COL24A1: variants seen among roughly 807,000 people sequenced by gnomAD.
COL24A1 encodes the protein collagen alpha-1(XXIV) chain.
A neutral mutation model predicts 253.9 loss-of-function variants in COL24A1; 224 were observed. The ratio of observed to expected loss-of-function variants is 0.88; its 90% CI spans 0.79 to 0.99. The LOEUF is 0.99. Ranked by LOEUF, COL24A1 falls within the 50% of genes least tolerant of loss-of-function variation. The pLI is 0.00. For missense variants in COL24A1, 2,131 were observed against 2,068.5 expected, an observed-to-expected ratio of 1.03 and a Z score of -0.59; for synonymous variants, 685 against 673.7, an observed-to-expected ratio of 1.02 and a Z score of -0.26.
At chr1:86,012,521 G>T (rs983661822) in intron 19 of COL24A1, among the ~76,000 whole-genome samples, 1 of 152,120 alleles carries the variant, frequency 6.6e-6, no homozygotes, top group African/African-American at 2.4e-5. Context: ...CCCAGGAGGC[G>T]GAGGTTGCAG....
intron 53 of COL24A1, among the ~76,000 whole-genome samples, chr1:85,763,682 A>G (rs1391003789): frequency 6.6e-6 from 1 of 151,634 alleles, no homozygotes; most frequent in African/African-American, 2.4e-5. Context: ...TTTAGTAGAC[A>G]TGGGGTTTCA....
intron 42 of COL24A1, among the ~76,000 whole-genome samples, chr1:85,839,146 T>C (rs1470023184): frequency 2.0e-5 from 3 of 151,934 alleles, no homozygotes; most frequent in African/African-American, 7.3e-5. Context: ...TTGCAGTGAG[T>C]CATGTTTGCA....
chr1:85,848,813 C>T (rs547223103), intron 38 of COL24A1, among the ~76,000 whole-genome samples: 26 of 152,126 alleles, frequency 1.7e-4, no homozygotes, highest in African/African-American at 6.0e-4. Flanking sequence ...TCCAGGGGTG[C>T]AGGTTGTTAT....
At chr1:85,820,074 C>T (rs1339896014) in intron 45 of COL24A1, among the ~76,000 whole-genome samples, 1 of 152,052 alleles carries the variant, frequency 6.6e-6, no homozygotes, top group Non-Finnish European at 1.5e-5. Context: ...TCTTGAACTC[C>T]TGACCTCAGG....
chr1:85,971,047 C>CAAAAAAT (rs1692114071), intron 21 of COL24A1, among the ~76,000 whole-genome samples: 2 of 152,052 alleles, frequency 1.3e-5, no homozygotes, highest in South Asian at 4.1e-4. Context: ...TGTGTCTTTA[C>CAAAAAAT]AAAAAATACA....
intron 43 of COL24A1, among the ~76,000 whole-genome samples, chr1:85,830,829 C>G (rs1457853516): frequency 1.3e-5 from 2 of 152,140 alleles, no homozygotes; most frequent in Non-Finnish European, 2.9e-5. Flanking sequence ...GTCTGGCACT[C>G]CCTAGTGAGA....
intron 35 of COL24A1, 112 bp downstream of exon 35, chr1:85,874,537 T>C: frequency 1.1e-6 from 1 of 886,056 alleles, no homozygotes; most frequent in Non-Finnish European, 1.7e-6. Context: ...ACATTTTCTA[T>C]AATGTATCAG....
intron 59 of COL24A1, 105 bp downstream of exon 59, chr1:85,734,644 A>C: frequency 2.1e-6 from 2 of 966,782 alleles, no homozygotes; most frequent in Non-Finnish European, 3.2e-6. Flanking sequence ...ACCCTTCTGT[A>C]TCTGCAGTTT....
chr1:86,125,190 A>G lies in COL24A1; in HGVS notation c.1146T>C (p.Asp382=). The change falls in exon 3 of 60, where the codon GAT becomes GAC. Residue 382 remains aspartate (D), a synonymous_variant. Coordinates refer to ENST00000370571, the MANE Select transcript of COL24A1 (RefSeq NM_152890.7). ...NMSDNITQHD[D]RVTGLSLFKK... is the part of the protein sequence containing the mutation. ...TAAACAGTGACAGACCAGTTACTCT[A>G]TCATCATGTTGTGTGATATTGTCAG... The G allele has an allele frequency of 6.2e-7, 1 of 1,613,260 alleles. No homozygotes were observed. The highest frequency in any genetic ancestry group is 8.5e-7 in the Non-Finnish European group (1 of 1,179,482).
At chr1:85,838,755 G>C (rs1246515173) in intron 42 of COL24A1, 117 bp from the exon 43 acceptor site, 3 of 857,594 alleles carry the variant, frequency 3.5e-6, no homozygotes, top group Non-Finnish European at 5.6e-6. Flanking sequence ...CCAAATATAT[G>C]ATTTGTTTAG....
At chr1:86,107,517 ATTT>A (rs1705105706) in intron 5 of COL24A1, among the ~76,000 whole-genome samples, 782 of 61,304 alleles carry the variant, frequency 0.013, 14 homozygotes, top group East Asian at 0.12. Context: ...TAATTTATTT[ATTT>A]ATTTATTTAT....
chr1:86,036,489 C>T (rs61800724), intron 12 of COL24A1, among the ~76,000 whole-genome samples: 19,091 of 152,070 alleles, frequency 0.13, 1,343 homozygotes, highest in Middle Eastern at 0.23. Flanking sequence ...CATTATTTGG[C>T]TCCTTATTAG....
At chr1:85,999,459 T>C (rs1000632323) in intron 19 of COL24A1, among the ~76,000 whole-genome samples, 1 of 151,486 alleles carries the variant, frequency 6.6e-6, no homozygotes, top group African/African-American at 2.4e-5. Flanking sequence ...TCTACAAAAA[T>C]AAAAAATAAA....
intron 7 of COL24A1, among the ~76,000 whole-genome samples, chr1:86,087,711 T>C (rs1480192168): frequency 1.3e-5 from 2 of 152,240 alleles, no homozygotes; most frequent in South Asian, 2.1e-4. Flanking sequence ...TGATGATATA[T>C]GTCAGTACAA....
In COL24A1 at chr1:85,858,627, CCT is replaced by C. The variant is rs1558416437; in HGVS notation, c.3301-9223_3301-9222del. 1.7e-3 allele frequency among the ~76,000 whole-genome samples: 202 copies of C among 115,956 alleles called. 1 individual carries two copies. Among genetic ancestry groups the C allele is most frequent in the African/African-American group, 4.6e-3 (104 of 22,586 alleles). 76.1% of individuals were successfully genotyped at this position (115,956 alleles called of 152,430 possible). A position where few individuals can be genotyped will look rare whatever the true frequency, so the allele number is the denominator to read the frequency against. ...TTTTCTCCTTATTTTCTCCCTCCTT[CCT>C]TCCTTCCTTCCTTCCTTCCTTCCTT... is the stretch of plus-strand genomic sequence containing the variant. On this transcript the variant is annotated intron_variant, in intron 37 of 59. Coordinates refer to ENST00000370571, the MANE Select transcript of COL24A1 (RefSeq NM_152890.7).
At chr1:85,786,919 C>T (rs1453848231) in intron 47 of COL24A1, among the ~76,000 whole-genome samples, 1 of 152,262 alleles carries the variant, frequency 6.6e-6, no homozygotes, top group East Asian at 1.9e-4. Flanking sequence ...AGCAAGCAAA[C>T]AGTATATCCT....
chr1:85,830,266 G>T (rs1254826117), intron 43 of COL24A1, among the ~76,000 whole-genome samples: 2 of 152,114 alleles, frequency 1.3e-5, no homozygotes, highest in East Asian at 3.9e-4. Context: ...CACTTGAGGA[G>T]GCAGTCTGCC....
rs1284720671 is a variant in COL24A1 at position 85,877,119 on chromosome 1, T to A, written c.3030+3A>T. The A allele has an allele frequency of 2.5e-6, 4 of 1,601,680 alleles. No homozygotes were observed. The highest frequency in any genetic ancestry group is 3.4e-6 in the Non-Finnish European group (4 of 1,174,426). On this transcript the variant is annotated splice_donor_region_variant and intron_variant, in intron 33 of 59. Coordinates refer to ENST00000370571, the MANE Select transcript of COL24A1 (RefSeq NM_152890.7). ...GAAGAAGAACTAGCCACAAAAAATT[T>A]ACCTCCATGCCCATTTCTCCAGGAG...
At chr1:85,783,602 A>T (rs1389063383) in intron 50 of COL24A1, 44 bp from the exon 51 acceptor site, 1 of 1,535,188 alleles carries the variant, frequency 6.5e-7, no homozygotes, top group Admixed American at 1.7e-5. Flanking sequence ...TTGTAGCTCT[A>T]TATGAACATT....
Sources: allele counts gnomAD v4.1 joint callset (sites outside exome capture counted in the v4.1 genomes callset), GRCh38; gene constraint gnomAD v4.1.1; transcripts MANE v1.5; gene names NCBI Gene and HGNC (gene_info 2026-07-23, HGNC 2026-07-21).